Variants in RORA observed in about 807,000 individuals in gnomAD.
The protein encoded by RORA is RAR related orphan receptor A.
A neutral mutation model predicts 69.5 loss-of-function variants in RORA; 7 were observed. The observed-to-expected ratio is 0.10, with a 90% CI of 0.06 to 0.19. The LOEUF (loss-of-function observed/expected upper bound fraction) is 0.19. RORA is among the 10% of genes least tolerant of loss of function. The probability of loss-of-function intolerance (pLI) is 1.00; values close to 1 mark genes in which losing one functional copy is unlikely to be tolerated. For missense variants in RORA, 457 were observed against 663.0 expected (o/e 0.69, Z 3.41); for synonymous variants, 261 against 240.8 (o/e 1.08, Z -0.78).
intron 1 of RORA, among the ~76,000 whole-genome samples, chr15:60,688,150 C>T (rs1245274969): frequency 2.6e-5 from 4 of 151,756 alleles, no homozygotes; most frequent in African/African-American, 9.7e-5. Flanking sequence ...AAGGCGCTAC[C>T]ATCATTAAAA....
intron 1 of RORA, among the ~76,000 whole-genome samples, chr15:61,034,145 G>A (rs1485627320): frequency 1.3e-5 from 2 of 152,120 alleles, no homozygotes; most frequent in African/African-American, 2.4e-5. Flanking sequence ...TTAAAGTTCT[G>A]TATCATACAC....
rs148791393 is a variant in RORA, at chr15:60,518,064, A to G, written c.283-3307T>C. Among the ~76,000 whole-genome samples, 522 of 152,152 alleles carry G rather than the reference A, an allele frequency of 3.4e-3. 3 individuals carry two copies. The highest frequency in any genetic ancestry group is 0.012 in the African/African-American group (492 of 41,532). On this transcript the variant is annotated intron_variant, in intron 3 of 10. Transcript: ENST00000335670. ...TTTAAAACTGAGGCAGGGTTTCGCT[A>G]TGTTGCCCAGGCTGGTCTCGAACTC...
chr15:60,656,589 C>A (rs146448731), intron 2 of RORA, among the ~76,000 whole-genome samples: 3 of 151,978 alleles, frequency 2.0e-5, no homozygotes, highest in Non-Finnish European at 4.4e-5. Flanking sequence ...TTGCAAGATT[C>A]CTCGAAACCA....
At chr15:60,499,850 G>T in intron 10 of RORA, 42 bp downstream of exon 10, 1 of 1,088,432 alleles carries the variant, frequency 9.2e-7, no homozygotes, top group Non-Finnish European at 1.4e-6. Flanking sequence ...TTGTGCCAGG[G>T]GATAGTTCAG....
chr15:60,943,775 G>C (rs922816059), intron 1 of RORA, among the ~76,000 whole-genome samples: 6 of 151,622 alleles, frequency 4.0e-5, no homozygotes, highest in Non-Finnish European at 8.8e-5. Context: ...AATTAGCCAG[G>C]CGTGGTAGCG....
At chr15:60,958,954 G>C (rs906864126) in intron 1 of RORA, among the ~76,000 whole-genome samples, 18 of 152,166 alleles carry the variant, frequency 1.2e-4, no homozygotes, top group African/African-American at 4.1e-4. Flanking sequence ...AGAAGAGCAA[G>C]AGTCCCAGCA....
chr15:60,494,633 G>A lies in RORA; in HGVS notation c.*2822C>T, dbSNP rs1275270502. On this transcript the variant is annotated 3_prime_UTR_variant, in exon 11 of 11. Transcript: ENST00000335670. ...TCAGATCCCAACTTAGATCCAAATA[G>A]TAGTCAGTTGTTTCCTTGTTTCATG... The A allele has an allele frequency of 6.6e-6, 1 of 152,268 alleles. No individual in the cohort carries two copies. The highest frequency in any genetic ancestry group is 1.9e-4 in the East Asian group (1 of 5,182). The allele number at this position is 152,268 out of a possible 1,614,324, so 9.4% of individuals were successfully genotyped here.
At chr15:60,593,008 A>G (rs999813527) in intron 2 of RORA, 20 of 450,044 alleles carry the variant, frequency 4.4e-5, no homozygotes, top group African/African-American at 3.8e-4. Context: ...GGTCACCCGC[A>G]TTTCCTAGAG....
chr15:60,500,932 A>G, intron 9 of RORA, 27 bp downstream of exon 9: 1 of 1,321,496 alleles, frequency 7.6e-7, no homozygotes, highest in East Asian at 2.3e-5. Context: ...TTCGAAAACC[A>G]TTTTTATTTT....
At chr15:61,109,429 G>A (rs533863803) in intron 1 of RORA, among the ~76,000 whole-genome samples, 4 of 152,160 alleles carry the variant, frequency 2.6e-5, no homozygotes, top group Non-Finnish European at 2.9e-5. Flanking sequence ...TACTGGCAAA[G>A]TGACACGCAG....
intron 1 of RORA, among the ~76,000 whole-genome samples, chr15:60,800,039 T>C (rs1030242465): frequency 6.6e-6 from 1 of 152,260 alleles, no homozygotes; most frequent in Non-Finnish European, 1.5e-5. Flanking sequence ...TGCAGCCATG[T>C]GCTACACCAA....
intron 1 of RORA, among the ~76,000 whole-genome samples, chr15:60,818,356 C>G (rs1020110106): frequency 1.4e-4 from 22 of 151,948 alleles, no homozygotes; most frequent in African/African-American, 4.8e-4. Context: ...AAGGAGAAAC[C>G]CGTTAGAATT....
intron 1 of RORA, among the ~76,000 whole-genome samples, chr15:60,912,079 G>T (rs542001233): frequency 6.6e-6 from 1 of 152,090 alleles, no homozygotes; most frequent in Non-Finnish European, 1.5e-5. Flanking sequence ...AAACTCCTCA[G>T]TTTGTCCAAT....
chr15:61,165,693 G>C (rs1325074837), intron 1 of RORA, among the ~76,000 whole-genome samples: 2 of 152,280 alleles, frequency 1.3e-5, no homozygotes, highest in South Asian at 4.1e-4. Context: ...AGGGAAAGGA[G>C]GGGTTCACAG....
intron 1 of RORA, among the ~76,000 whole-genome samples, chr15:60,789,847 A>G (rs2072390435): frequency 6.6e-6 from 1 of 152,232 alleles, no homozygotes; most frequent in African/African-American, 2.4e-5. Context: ...TGTAACAAGC[A>G]TTCAATAAAT....
At chr15:60,627,466 C>T (rs1232337750) in intron 2 of RORA, 5 of 1,571,500 alleles carry the variant, frequency 3.2e-6, no homozygotes, top group Non-Finnish European at 4.3e-6. Flanking sequence ...ACAGATGGCT[C>T]CAACAGCTGG....
intron 2 of RORA, among the ~76,000 whole-genome samples, chr15:60,592,006 C>G (rs1214821862): frequency 1.3e-5 from 2 of 151,978 alleles, no homozygotes; most frequent in Admixed American, 6.5e-5. Flanking sequence ...CCCTGGGGAC[C>G]GGCCGCGGGC....
intron 1 of RORA, among the ~76,000 whole-genome samples, chr15:60,762,235 A>C (rs2071905185): frequency 6.6e-6 from 1 of 152,216 alleles, no homozygotes; most frequent in African/African-American, 2.4e-5. Flanking sequence ...ATTTTCCAAA[A>C]GTACTATTAA....
At chr15:60,996,071 GTTTTTTT>G (rs35698487) in intron 1 of RORA, among the ~76,000 whole-genome samples, 367 of 135,328 alleles carry the variant, frequency 2.7e-3, no homozygotes, top group Non-Finnish European at 2.8e-3. Flanking sequence ...CTTGTTTTTT[GTTTTTTT>G]TTTTTTTTTT....
Sources: allele counts gnomAD v4.1 joint callset (sites outside exome capture counted in the v4.1 genomes callset), GRCh38; gene constraint gnomAD v4.1.1; transcripts MANE v1.5; gene names NCBI Gene and HGNC (gene_info 2026-07-23, HGNC 2026-07-21).